OPCML: variants seen among roughly 807,000 people sequenced by gnomAD.
OPCML encodes opioid binding protein/cell adhesion molecule like, also known as opioid-binding protein/cell adhesion molecule.
OPCML carries 13 observed loss-of-function variants against 37.8 expected under a neutral mutation model. That is an observed-to-expected ratio of 0.34 (90% confidence interval 0.22 to 0.55). OPCML has a LOEUF of 0.55. OPCML is among the 20% of genes least tolerant of loss of function. OPCML has a pLI of 0.91. For synonymous variants in OPCML, 176 were observed against 168.8 expected, an observed-to-expected ratio of 1.04 and a Z score of -0.33; for missense variants, 341 against 435.6, an observed-to-expected ratio of 0.78 and a Z score of 1.93.
intron 1 of OPCML, among the ~76,000 whole-genome samples, chr11:133,368,556 A>G (rs1365352432): frequency 6.6e-6 from 1 of 152,208 alleles, no homozygotes; most frequent in Non-Finnish European, 1.5e-5. Context: ...TTTACCAACC[A>G]TCTTAAACAG....
intron 1 of OPCML, among the ~76,000 whole-genome samples, chr11:133,236,109 G>A (rs889697129): frequency 6.6e-6 from 1 of 152,148 alleles, no homozygotes; most frequent in African/African-American, 2.4e-5. Flanking sequence ...ATAGAACAAT[G>A]ATGACCATAT....
chr11:133,339,369 G>A (rs1592215092), intron 1 of OPCML, among the ~76,000 whole-genome samples: 1 of 152,174 alleles, frequency 6.6e-6, no homozygotes, highest in East Asian at 1.9e-4. Context: ...TAGTGAGTGT[G>A]GGAGCCATGA....
At chr11:132,541,409 T>C (rs1299515321) in intron 3 of OPCML, among the ~76,000 whole-genome samples, 1 of 152,194 alleles carries the variant, frequency 6.6e-6, no homozygotes, top group Non-Finnish European at 1.5e-5. Context: ...AAGTAACTTA[T>C]AGGGTCATTG....
chr11:133,050,910 G>C (rs1347423372), intron 1 of OPCML, among the ~76,000 whole-genome samples: 1 of 151,992 alleles, frequency 6.6e-6, no homozygotes, highest in African/African-American at 2.4e-5. Context: ...TTCCATTTCT[G>C]ACTTCAGAGC....
chr11:132,654,350 C>T (rs1941585651), intron 3 of OPCML, among the ~76,000 whole-genome samples: 1 of 152,078 alleles, frequency 6.6e-6, no homozygotes, highest in African/African-American at 2.4e-5. Context: ...CAAAGAGAAG[C>T]TTCTCCCCAA....
At chr11:132,683,766 G>A (rs1270485214) in intron 2 of OPCML, among the ~76,000 whole-genome samples, 1 of 152,130 alleles carries the variant, frequency 6.6e-6, no homozygotes, top group East Asian at 1.9e-4. Context: ...GTCAGGTTCA[G>A]CTATCCTTGT....
chr11:132,917,561 T>C (rs2725444), intron 2 of OPCML, among the ~76,000 whole-genome samples: 7,632 of 152,174 alleles, frequency 0.05, 298 homozygotes, highest in Middle Eastern at 0.16. Context: ...TTCCTGGGAA[T>C]TGGGGAAAGA....
intron 1 of OPCML, among the ~76,000 whole-genome samples, chr11:133,031,068 C>G (rs35726682): frequency 0.023 from 3,491 of 152,288 alleles, 58 homozygotes; most frequent in Middle Eastern, 0.065. Context: ...TCTGTAAGCA[C>G]GGGCTTTGTT....
chr11:133,137,928 A>G (rs138343639), intron 1 of OPCML, among the ~76,000 whole-genome samples: 38 of 152,324 alleles, frequency 2.5e-4, no homozygotes, highest in African/African-American at 8.9e-4. Context: ...GCTAAAATAC[A>G]GGTTCCTTTT....
At chr11:132,924,042 T>G (rs1413080887) in intron 2 of OPCML, among the ~76,000 whole-genome samples, 1 of 151,666 alleles carries the variant, frequency 6.6e-6, no homozygotes, top group Non-Finnish European at 1.5e-5. Context: ...AGATTACAGG[T>G]GTGAGCCACT....
intron 1 of OPCML, among the ~76,000 whole-genome samples, chr11:133,498,821 G>T (rs971808920): frequency 2.0e-5 from 3 of 152,208 alleles, no homozygotes; most frequent in Non-Finnish European, 4.4e-5. Flanking sequence ...CCAGAGGAGT[G>T]ATCTGTGGTC....
intron 1 of OPCML, among the ~76,000 whole-genome samples, chr11:133,149,514 C>T (rs1949945891): frequency 6.6e-6 from 1 of 152,206 alleles, no homozygotes; most frequent in African/African-American, 2.4e-5. Context: ...TCCTCTTTTC[C>T]ATCCCTTCTA....
At chr11:133,053,175 C>T (rs150645142) in intron 1 of OPCML, among the ~76,000 whole-genome samples, 2 of 152,310 alleles carry the variant, frequency 1.3e-5, no homozygotes, top group South Asian at 4.1e-4. Flanking sequence ...GTTCTTTCAC[C>T]TCTACACTGG....
chr11:132,901,839 C>T (rs1434214787), intron 2 of OPCML, among the ~76,000 whole-genome samples: 3 of 152,178 alleles, frequency 2.0e-5, no homozygotes, highest in East Asian at 1.9e-4. Context: ...TTGATTTACA[C>T]GTGACAGATG....
intron 1 of OPCML, among the ~76,000 whole-genome samples, chr11:132,958,546 C>A (rs967559889): frequency 1.3e-5 from 2 of 152,192 alleles, no homozygotes; most frequent in Non-Finnish European, 2.9e-5. Flanking sequence ...CCATCTGGGA[C>A]TTTCATAGCT....
At chr11:133,114,136 A>C (rs2137099720) in intron 1 of OPCML, among the ~76,000 whole-genome samples, 1 of 152,282 alleles carries the variant, frequency 6.6e-6, no homozygotes, top group Admixed American at 6.5e-5. Context: ...TGCTCACAGA[A>C]ATCTTATGCG....
intron 2 of OPCML, among the ~76,000 whole-genome samples, chr11:132,702,733 G>A (rs1402990564): frequency 3.3e-5 from 5 of 151,742 alleles, no homozygotes; most frequent in Admixed American, 1.3e-4. Flanking sequence ...CATAAGTCCC[G>A]TAGGCTTTTT....
rs557284701 is a variant in OPCML at position 133,023,391 on chromosome 11, G to A, written c.62-80381C>T. ...TCATTACGTCCGCTAAGCACTTCAC[G>A]ATGCTCGGGGATGAAAGGAGTTATA... On this transcript the variant is annotated intron_variant, in intron 1 of 7. Transcript: ENST00000524381. 2.6e-5 allele frequency among the ~76,000 whole-genome samples: 4 copies of A among 152,264 alleles called. No individual in the cohort carries two copies. The South Asian group carries it at 6.2e-4, about 24-fold the overall frequency.
rs115083927 is a variant in OPCML at position 132,882,628 on chromosome 11, G to A, written c.146+60298C>T. ...CTCTCTATGTGTTAGCAAGGTTGAA[G>A]GTATCAAGATGAACAAGAACTAGAA... On this transcript the variant is annotated intron_variant, in intron 2 of 7. Coordinates refer to ENST00000524381, the MANE Select transcript of OPCML (RefSeq NM_001012393.5). 3.1e-3 allele frequency among the ~76,000 whole-genome samples: 467 copies of A among 152,214 alleles called. 2 individuals are homozygous for A. The highest frequency in any genetic ancestry group is 0.011 in the African/African-American group (453 of 41,534).
Sources: allele counts gnomAD v4.1 joint callset (sites outside exome capture counted in the v4.1 genomes callset), GRCh38; gene constraint gnomAD v4.1.1; transcripts MANE v1.5; gene names NCBI Gene and HGNC (gene_info 2026-07-23, HGNC 2026-07-21).